The following GRIA3 variants were observed in gnomAD, a reference collection of about 807,000 sequenced individuals.
GRIA3 encodes glutamate receptor 3.
In GRIA3, 3 loss-of-function variants were observed where a neutral mutation model predicts 63.0. The ratio of observed to expected loss-of-function variants is 0.05; its 90% CI spans 0.02 to 0.12. The LOEUF is 0.12. Among genes scored for constraint, GRIA3 ranks in the 10% least tolerant of loss-of-function variants. The probability of loss-of-function intolerance (pLI) is 1.00; values close to 1 mark genes in which losing one functional copy is unlikely to be tolerated. For missense variants in GRIA3, 347 were observed against 700.9 expected (o/e 0.50, Z 5.70); for synonymous variants, 274 against 257.9 (o/e 1.06, Z -0.60).
At chrX:123,453,717 C>T (rs1232376798) in intron 12 of GRIA3, among the ~76,000 whole-genome samples, 1 of 109,964 alleles carries the variant, frequency 9.1e-6, no homozygotes, top group Non-Finnish European at 1.9e-5. Flanking sequence ...GTGGTTTGAT[C>T]CTATGAGGAG....
chrX:123,326,775 G>A (rs981281054), intron 4 of GRIA3, among the ~76,000 whole-genome samples: 4 of 111,348 alleles, frequency 3.6e-5, no homozygotes, highest in Non-Finnish European at 7.5e-5. Context: ...GAGAGAGAGA[G>A]AACAATTTAA....
intron 12 of GRIA3, among the ~76,000 whole-genome samples, chrX:123,442,740 A>G (rs1246924976): frequency 1.8e-5 from 2 of 111,502 alleles, no homozygotes; most frequent in East Asian, 2.8e-4. Context: ...TGTTTTTCCA[A>G]TAATCTGTGT....
At chrX:123,392,071 C>T (rs1379198946) in intron 5 of GRIA3, among the ~76,000 whole-genome samples, 2 of 112,283 alleles carry the variant, frequency 1.8e-5, no homozygotes, top group African/African-American at 6.5e-5. Context: ...CAGTAGAATG[C>T]TCAGGTTGGG....
chrX:123,436,315 G>T (rs373097273), intron 12 of GRIA3, among the ~76,000 whole-genome samples: 7,757 of 110,693 alleles, frequency 0.07, 707 homozygotes, highest in African/African-American at 0.24. Flanking sequence ...TTTTGTTTTT[G>T]TTTGTTTGTT....
At chrX:123,480,972 G>A (rs942127173) in intron 14 of GRIA3, among the ~76,000 whole-genome samples, 13 of 109,525 alleles carry the variant, frequency 1.2e-4, no homozygotes, top group Non-Finnish European at 2.3e-4. Flanking sequence ...GACTAATATC[G>A]TGGTATCAGT....
At chrX:123,406,113 G>A (rs900603917) in intron 10 of GRIA3, among the ~76,000 whole-genome samples, 1 of 112,542 alleles carries the variant, frequency 8.9e-6, no homozygotes, top group Admixed American at 9.4e-5. Context: ...TTTGGCCTCT[G>A]ATTGTGAATG....
chrX:123,203,840 T>C (rs752291292), intron 2 of GRIA3, among the ~76,000 whole-genome samples: 5 of 112,068 alleles, frequency 4.5e-5, no homozygotes, highest in Non-Finnish European at 9.4e-5. Context: ...CTGCCATTTC[T>C]GTGCTCATCT....
chrX:123,355,991 A>G (rs961662961), intron 5 of GRIA3, among the ~76,000 whole-genome samples: 1 of 112,059 alleles, frequency 8.9e-6, no homozygotes, highest in Admixed American at 9.5e-5. Flanking sequence ...TTTTTCTCCA[A>G]TAATTTGCTC....
chrX:123,463,845 G>C (rs186658053), intron 12 of GRIA3, among the ~76,000 whole-genome samples: 2 of 110,365 alleles, frequency 1.8e-5, no homozygotes, highest in African/African-American at 6.6e-5. Context: ...GAAAGAAAGA[G>C]AGAAACCAAA....
intron 4 of GRIA3, among the ~76,000 whole-genome samples, chrX:123,331,029 A>C (rs1183981785): frequency 8.9e-6 from 1 of 112,108 alleles, no homozygotes; most frequent in African/African-American, 3.2e-5. Flanking sequence ...CCCCTTAAAA[A>C]GATTTACACA....
intron 12 of GRIA3, among the ~76,000 whole-genome samples, chrX:123,449,750 TGTAAA>T (rs1238044077): frequency 2.7e-5 from 3 of 112,165 alleles, no homozygotes; most frequent in Non-Finnish European, 5.6e-5. Context: ...CATTTGGCAC[TGTAAA>T]GTATTCTCTG....
chrX:123,268,051 A>G (rs768821956), intron 3 of GRIA3, among the ~76,000 whole-genome samples: 1 of 111,973 alleles, frequency 8.9e-6, no homozygotes, highest in Non-Finnish European at 1.9e-5. Flanking sequence ...CAATGACCTG[A>G]GATCCTTGTT....
chrX:123,460,390 T>C (rs1180384458), intron 12 of GRIA3, among the ~76,000 whole-genome samples: 1 of 111,737 alleles, frequency 8.9e-6, no homozygotes, highest in East Asian at 2.8e-4. Context: ...AACAGCTCTT[T>C]ATAAATGCAC....
chrX:123,370,703 G>T (rs949921292), intron 5 of GRIA3, among the ~76,000 whole-genome samples: 2 of 109,465 alleles, frequency 1.8e-5, no homozygotes, highest in Non-Finnish European at 1.9e-5. Flanking sequence ...ATTTTAAAGG[G>T]TTTTTTATTT....
intron 3 of GRIA3, among the ~76,000 whole-genome samples, chrX:123,293,261 G>A (rs778027721): frequency 9.0e-6 from 1 of 111,079 alleles, no homozygotes; most frequent in African/African-American, 3.3e-5. Context: ...AATCAAAAGA[G>A]TATACTGAAG....
intron 14 of GRIA3, 68 bp downstream of exon 14, chrX:123,480,245 C>G (rs1175911878): frequency 5.8e-6 from 4 of 684,968 alleles, no homozygotes; most frequent in African/African-American, 2.2e-5. Context: ...ATTTTCTACC[C>G]TAAAACGGCT....
intron 2 of GRIA3, among the ~76,000 whole-genome samples, chrX:123,228,358 C>T (rs2044258573): frequency 1.8e-5 from 2 of 110,870 alleles, no homozygotes; most frequent in Admixed American, 9.6e-5. Flanking sequence ...TTACTGAGTT[C>T]CAGGGTTTCT....
intron 3 of GRIA3, among the ~76,000 whole-genome samples, chrX:123,256,376 G>GA (rs1457824262): frequency 3.6e-5 from 4 of 111,732 alleles, no homozygotes; most frequent in Admixed American, 1.9e-4. Context: ...TGCTATGAAG[G>GA]AAAAAAATAG....
intron 13 of GRIA3, among the ~76,000 whole-genome samples, chrX:123,477,675 TG>T (rs1167293984): frequency 1.8e-5 from 2 of 112,200 alleles, no homozygotes; most frequent in Non-Finnish European, 3.8e-5. Context: ...TGAGAACAAC[TG>T]CTCTAAACTG....
Sources: gnomAD v4.1 joint callset for allele counts (sites outside exome capture counted in the v4.1 genomes callset) on GRCh38, gnomAD v4.1.1 for gene constraint, MANE v1.5 for transcripts, NCBI Gene and HGNC (gene_info 2026-07-23, HGNC 2026-07-21) for gene names.